The following NKAIN3 variants were observed in gnomAD, a reference collection of about 807,000 sequenced individuals.
NKAIN3 encodes the protein sodium/potassium transporting ATPase interacting 3.
Under a neutral mutation model 30.2 loss-of-function variants are expected in NKAIN3, and 25 were observed. The ratio of observed to expected loss-of-function variants is 0.83; its 90% confidence interval spans 0.60 to 1.16. The LOEUF (loss-of-function observed/expected upper bound fraction) is 1.16. Ranked by LOEUF, NKAIN3 falls within the 50% of genes most tolerant of loss-of-function variation. The pLI is 0.00. For synonymous variants in NKAIN3, 91 were observed against 89.6 expected (o/e 1.02, Z -0.09); for missense variants, 225 against 254.1 (o/e 0.89, Z 0.78).
At chr8:62,532,724 G>T (rs10098663) in intron 1 of NKAIN3, among the ~76,000 whole-genome samples, 7,179 of 152,186 alleles carry the variant, frequency 0.047, 498 homozygotes, top group African/African-American at 0.16. Flanking sequence ...TCCATTCTAT[G>T]AAAAGGCTTA....
intron 3 of NKAIN3, among the ~76,000 whole-genome samples, chr8:62,689,289 T>C (rs1051282620): frequency 2.0e-5 from 3 of 152,298 alleles, no homozygotes; most frequent in Non-Finnish European, 4.4e-5. Context: ...ATGCTTACTC[T>C]GTCTAGCTGC....
chr8:62,704,725 T>C (rs1814463604), intron 3 of NKAIN3, among the ~76,000 whole-genome samples: 1 of 152,214 alleles, frequency 6.6e-6, no homozygotes, highest in African/African-American at 2.4e-5. Context: ...TTATAAACTT[T>C]TCTTAAAACT....
At chr8:62,731,151 G>C (rs193137224) in intron 3 of NKAIN3, among the ~76,000 whole-genome samples, 1 of 151,464 alleles carries the variant, frequency 6.6e-6, no homozygotes, top group East Asian at 2.0e-4. Flanking sequence ...GTGAGGAATG[G>C]TATCAAACAG....
chr8:62,327,232 A>G (rs998812728), intron 1 of NKAIN3, among the ~76,000 whole-genome samples: 4 of 152,054 alleles, frequency 2.6e-5, no homozygotes, highest in Non-Finnish European at 5.9e-5. Flanking sequence ...CATCAGATAT[A>G]TGATTTGTAA....
rs1046187154 is a variant in NKAIN3, at chr8:62,325,552, C to T, written c.54+76425C>T. ...TTCTACTTTTAGTTCTTTAAGGAAT[C>T]TCCAAACTGTTTTCCACAGTGTTTG... On this transcript the variant is annotated intron_variant, in intron 1 of 6. Transcript: ENST00000623646. Among the ~76,000 whole-genome samples the T allele has an allele frequency of 2.0e-5, 3 of 152,194 alleles. No individual in the cohort carries two copies. The East Asian group carries it at 5.8e-4, about 29-fold the overall frequency.
intron 1 of NKAIN3, among the ~76,000 whole-genome samples, chr8:62,548,301 C>G (rs1809080656): frequency 6.6e-6 from 1 of 152,180 alleles, no homozygotes; most frequent in Non-Finnish European, 1.5e-5. Flanking sequence ...TAACATTTTA[C>G]TGAACAAGAG....
intron 1 of NKAIN3, among the ~76,000 whole-genome samples, chr8:62,449,103 T>G (rs1257278561): frequency 6.6e-6 from 1 of 151,946 alleles, no homozygotes; most frequent in Non-Finnish European, 1.5e-5. Flanking sequence ...GCACCAGAAA[T>G]CTCAAAATCC....
chr8:62,649,091 A>G (rs1433544494), intron 3 of NKAIN3, among the ~76,000 whole-genome samples: 2 of 152,220 alleles, frequency 1.3e-5, no homozygotes, highest in African/African-American at 2.4e-5. Flanking sequence ...GATTGGTAAG[A>G]TAAGTGGGAG....
chr8:62,332,362 A>G (rs1815385533), intron 1 of NKAIN3, among the ~76,000 whole-genome samples: 2 of 152,168 alleles, frequency 1.3e-5, no homozygotes, highest in South Asian at 4.1e-4. Flanking sequence ...ATAAAAAGTC[A>G]TCATCAGAAA....
At chr8:62,632,714 G>A (rs540996971) in intron 3 of NKAIN3, among the ~76,000 whole-genome samples, 368 of 152,052 alleles carry the variant, frequency 2.4e-3, no homozygotes, top group African/African-American at 8.2e-3. Flanking sequence ...TGTTGGCCAG[G>A]CTGGTCTCAA....
At chr8:62,924,536 A>G (rs1215542909) in intron 5 of NKAIN3, among the ~76,000 whole-genome samples, 1 of 152,190 alleles carries the variant, frequency 6.6e-6, no homozygotes, top group Non-Finnish European at 1.5e-5. Context: ...ATCGGGGAGA[A>G]GGTTCTTCCT....
At position 62,722,420 on chromosome 8, in the gene NKAIN3, C is replaced by T. The variant is rs137953917; in HGVS notation, c.274-24512C>T. Among the ~76,000 whole-genome samples the T allele has an allele frequency of 1.9e-4, 29 of 152,266 alleles. No homozygotes were observed. In the East Asian group the frequency reaches 5.4e-3, roughly 28 times the overall value. On this transcript the variant is annotated intron_variant, in intron 3 of 6. Coordinates refer to ENST00000623646, the MANE Select transcript of NKAIN3 (RefSeq NM_001304533.3). ...AAAAATTTTGAAGAATGAAATAACCCTCATTATCATTCCTCCCAACAAATT... is the reference window on the plus strand; with the variant it reads ...AAAAATTTTGAAGAATGAAATAACCTTCATTATCATTCCTCCCAACAAATT...
chr8:62,329,845 A>C (rs1046759748), intron 1 of NKAIN3, among the ~76,000 whole-genome samples: 3 of 151,994 alleles, frequency 2.0e-5, no homozygotes, highest in Non-Finnish European at 2.9e-5. Context: ...TTTTCCTTTG[A>C]GTATATACCC....
intron 4 of NKAIN3, among the ~76,000 whole-genome samples, chr8:62,786,097 G>A (rs1817508790): frequency 6.6e-6 from 1 of 151,922 alleles, no homozygotes; most frequent in Non-Finnish European, 1.5e-5. Context: ...AAAGAAAAAA[G>A]TGCTCAATTC....
intron 1 of NKAIN3, among the ~76,000 whole-genome samples, chr8:62,516,357 AC>A (rs1462685744): frequency 6.6e-6 from 1 of 151,970 alleles, no homozygotes; most frequent in Non-Finnish European, 1.5e-5. Context: ...TATTAAGTTA[AC>A]CCTGTCATGT....
intron 1 of NKAIN3, among the ~76,000 whole-genome samples, chr8:62,360,754 T>A (rs1374227119): frequency 2.0e-5 from 3 of 152,130 alleles, no homozygotes; most frequent in Non-Finnish European, 4.4e-5. Flanking sequence ...TGTGGGAGTC[T>A]GAGTCTCTTT....
intron 1 of NKAIN3, among the ~76,000 whole-genome samples, chr8:62,431,290 G>T (rs933072064): frequency 6.6e-6 from 1 of 151,752 alleles, no homozygotes; most frequent in African/African-American, 2.4e-5. Flanking sequence ...ATTTAACAAA[G>T]AACTCTCATT....
intron 4 of NKAIN3, among the ~76,000 whole-genome samples, chr8:62,858,936 C>G (rs62510825): frequency 0.082 from 12,552 of 152,250 alleles, 580 homozygotes; most frequent in South Asian, 0.14. Context: ...CGTGCATTGC[C>G]TGGGCTGCAG....
intron 1 of NKAIN3, among the ~76,000 whole-genome samples, chr8:62,500,466 AAAGAAAGAAAGAAAGAAAGAAGAAAAG>A (rs1563427389): frequency 1.7e-4 from 24 of 140,550 alleles, no homozygotes; most frequent in African/African-American, 6.1e-4. Context: ...AGAAAGAAAG[AAAGAAAGAAAGAAAGAAAGAAGAAAAG>A]AAAGAAAGAA....
Sources: allele counts gnomAD v4.1 joint callset (sites outside exome capture counted in the v4.1 genomes callset), GRCh38; gene constraint gnomAD v4.1.1; transcripts MANE v1.5; gene names NCBI Gene and HGNC (gene_info 2026-07-23, HGNC 2026-07-21).